INSL6: variants seen among roughly 807,000 people sequenced by gnomAD.
INSL6 encodes the protein insulin-like peptide INSL6.
Under a neutral mutation model 9.4 loss-of-function variants are expected in INSL6, and 16 were observed. The observed-to-expected ratio is 1.70, with a 90% confidence interval of 1.15 to 2.59. The LOEUF (loss-of-function observed/expected upper bound fraction) is 2.59. Among genes scored for constraint, INSL6 ranks in the 30% most tolerant of loss-of-function variants. The pLI, the probability that INSL6 is intolerant of heterozygous loss-of-function variation, is 0.00. For synonymous variants in INSL6, 154 were observed against 96.9 expected (o/e 1.59, Z -3.46); for missense variants, 391 against 257.3 (o/e 1.52, Z -3.56).
the INSL6 span, chr9:5,111,469 C>CAG: frequency 2.6e-6 from 1 of 386,734 alleles, no homozygotes; most frequent in Non-Finnish European, 5.0e-6. Context: ...CGTACCTGCC[C>CAG]AGCTCAGGTG....
intron 2 of INSL6, among the ~76,000 whole-genome samples, chr9:5,153,193 C>G (rs1371387411): frequency 2.6e-5 from 4 of 151,816 alleles, no homozygotes; most frequent in Non-Finnish European, 5.9e-5. Flanking sequence ...TGAGACAGAA[C>G]CGTTCACTCC....
chr9:5,069,865 T>G, the INSL6 span: 1 of 1,159,048 alleles, frequency 8.6e-7, no homozygotes. Flanking sequence ...TACTCCTCTT[T>G]GGAGCAATTC....
chr9:4,993,982 G>A, the INSL6 span, among the ~76,000 whole-genome samples: 1 of 152,162 alleles, frequency 6.6e-6, no homozygotes, highest in African/African-American at 2.4e-5. Context: ...TGCAGTGGGT[G>A]ATGTCCTGTC....
At chr9:5,054,677 C>T in the INSL6 span, 5 of 1,613,194 alleles carry the variant, frequency 3.1e-6, no homozygotes, top group Non-Finnish European at 4.2e-6. This position sits in a 1 kb window ranked among gnomAD's most constrained non-coding sequence, Gnocchi z 4.9. Flanking sequence ...TCAGCCAATG[C>T]AAAGCCACTG....
At chr9:5,129,778 C>A (rs560410396) in intron 3 of INSL6, among the ~76,000 whole-genome samples, 4 of 152,224 alleles carry the variant, frequency 2.6e-5, no homozygotes, top group Admixed American at 6.5e-5. Flanking sequence ...ACTGAGAGAA[C>A]TGAAAAACTA....
the INSL6 span, chr9:5,089,564 AAG>A: frequency 2.9e-6 from 1 of 339,648 alleles, no homozygotes. Flanking sequence ...AAAAAAAAAA[AAG>A]ACAGTCTGCT....
the INSL6 span, among the ~76,000 whole-genome samples, chr9:5,084,431 C>A: frequency 2.0e-5 from 3 of 152,070 alleles, no homozygotes; most frequent in Non-Finnish European, 4.4e-5. Context: ...GCTACTGTAT[C>A]CCTTTGTTAT....
At chr9:5,031,446 A>G in the INSL6 span, among the ~76,000 whole-genome samples, 15 of 152,234 alleles carry the variant, frequency 9.9e-5, no homozygotes, top group African/African-American at 3.6e-4. Context: ...TAATATGAAG[A>G]AATCTTTTCA....
At chr9:5,029,883 G>A in the INSL6 span, 4 of 1,611,634 alleles carry the variant, frequency 2.5e-6, no homozygotes, top group East Asian at 2.2e-5. Context: ...AGTCAACCAG[G>A]CATAATGTAC....
chr9:5,121,155 A>G (rs1048971832), downstream of INSL6, among the ~76,000 whole-genome samples: 11 of 152,270 alleles, frequency 7.2e-5, no homozygotes, highest in East Asian at 1.9e-3. Flanking sequence ...AAATCTTCCA[A>G]CCCAGAAAAC....
chr9:5,051,922 A>G, the INSL6 span, among the ~76,000 whole-genome samples: 11 of 152,196 alleles, frequency 7.2e-5, no homozygotes, highest in South Asian at 8.3e-4. Context: ...GCCATAGGGT[A>G]TAATTTTAGG....
downstream of INSL6, among the ~76,000 whole-genome samples, chr9:5,160,657 G>C (rs976321778): frequency 6.6e-6 from 1 of 152,066 alleles, no homozygotes; most frequent in Non-Finnish European, 1.5e-5. Context: ...ACACAAAGTT[G>C]GTTTTTAGAA....
chr9:5,036,922 G>T, the INSL6 span, among the ~76,000 whole-genome samples: 2 of 152,164 alleles, frequency 1.3e-5, no homozygotes, highest in Non-Finnish European at 2.9e-5. Context: ...AGAGTGAACA[G>T]GCAACCTACA....
the INSL6 span, among the ~76,000 whole-genome samples, chr9:5,034,365 T>A: frequency 6.6e-6 from 1 of 152,122 alleles, no homozygotes; most frequent in East Asian, 1.9e-4. Flanking sequence ...ATCCAGGAAT[T>A]GAATTCAGCT....
rs771958824 is a variant in INSL6, at chr9:5,126,742, G to A, written c.*11-2231C>T. 4.3e-6 allele frequency: 7 copies of A among 1,610,936 alleles called. No homozygotes were observed. The Admixed American group carries it at 1.2e-4, about 27-fold the overall frequency. ...AATGTAAATCAACGCCCCTCCTTTA[G>A]GGATCTAGCTCTTCGAGTGGATCAA... On this transcript the variant is annotated intron_variant, in intron 3 of 3. Transcript: ENST00000649639.
the INSL6 span, among the ~76,000 whole-genome samples, chr9:5,104,091 G>C: frequency 2.6e-5 from 4 of 151,840 alleles, no homozygotes; most frequent in Admixed American, 6.6e-5. Flanking sequence ...AGGAGATAGA[G>C]ACACAACTCT....
intron 2 of INSL6, among the ~76,000 whole-genome samples, chr9:5,153,359 G>C (rs1032060653): frequency 6.6e-6 from 1 of 152,184 alleles, no homozygotes; most frequent in South Asian, 2.1e-4. Context: ...GTGCACGGAG[G>C]AGCATCCGCC....
the INSL6 span, chr9:5,054,468 C>A: frequency 9.6e-7 from 1 of 1,041,932 alleles, no homozygotes; most frequent in Non-Finnish European, 1.4e-6. This position sits in a 1 kb window ranked among gnomAD's most constrained non-coding sequence, Gnocchi z 4.9. Context: ...CCTACTTAAT[C>A]ATGGAAAAAG....
At chr9:5,142,390 G>C (rs1239072847) in intron 2 of INSL6, among the ~76,000 whole-genome samples, 1 of 152,086 alleles carries the variant, frequency 6.6e-6, no homozygotes, top group East Asian at 1.9e-4. Flanking sequence ...TGATTTCTTT[G>C]AGCAGTTGTT....
Sources: gnomAD v4.1 joint callset for allele counts (sites outside exome capture counted in the v4.1 genomes callset) on GRCh38, gnomAD v4.1.1 for gene constraint, Gnocchi (gnomAD v3.1) non-coding constraint, MANE v1.5 for transcripts, NCBI Gene and HGNC (gene_info 2026-07-23, HGNC 2026-07-21) for gene names.